Variants in RGS7BP observed in about 807,000 individuals in gnomAD.
RGS7BP encodes the protein regulator of G protein signaling 7-binding protein.
Under a neutral mutation model 31.3 loss-of-function variants are expected in RGS7BP, and 9 were observed. The observed-to-expected ratio is 0.29, with a 90% CI of 0.17 to 0.50. The LOEUF is 0.50. RGS7BP is among the 20% of genes least tolerant of loss of function. RGS7BP has a pLI of 0.98. For missense variants in RGS7BP, 274 were observed against 322.0 expected (o/e 0.85, Z 1.14); for synonymous variants, 115 against 120.1 (o/e 0.96, Z 0.28).
chr5:64,553,317 C>T (rs1741841765), intron 2 of RGS7BP, among the ~76,000 whole-genome samples: 4 of 151,788 alleles, frequency 2.6e-5, no homozygotes, highest in Admixed American at 2.0e-4. Context: ...GGATTACAGG[C>T]ATGTGCCACT....
At chr5:64,556,454 C>CAA (rs1741929910) in intron 2 of RGS7BP, among the ~76,000 whole-genome samples, 2 of 148,566 alleles carry the variant, frequency 1.3e-5, no homozygotes, top group South Asian at 4.2e-4. Flanking sequence ...CACACACACA[C>CAA]ACACACAAAA....
intron 2 of RGS7BP, among the ~76,000 whole-genome samples, chr5:64,564,584 A>G (rs1742126954): frequency 6.6e-6 from 1 of 152,148 alleles, no homozygotes; most frequent in South Asian, 2.1e-4. Flanking sequence ...TTAATCTCCA[A>G]TTTTATGTTT....
At chr5:64,510,131 TAG>T (rs542070990) in intron 2 of RGS7BP, among the ~76,000 whole-genome samples, 199 of 152,292 alleles carry the variant, frequency 1.3e-3, no homozygotes, top group African/African-American at 4.6e-3. Context: ...TGGCGAAATT[TAG>T]AGAGAAGAAC....
intron 3 of RGS7BP, among the ~76,000 whole-genome samples, chr5:64,587,442 G>A (rs1451768946): frequency 6.6e-6 from 1 of 152,144 alleles, no homozygotes. Flanking sequence ...CAATTCCAGA[G>A]ATTCTTCAAA....
chr5:64,532,524 C>A (rs778149112), intron 2 of RGS7BP, among the ~76,000 whole-genome samples: 5 of 152,012 alleles, frequency 3.3e-5, no homozygotes, highest in Non-Finnish European at 5.9e-5. Flanking sequence ...GTAGGAGCAC[C>A]TATGTTTGCT....
intron 5 of RGS7BP, among the ~76,000 whole-genome samples, chr5:64,603,927 A>G (rs1743286618): frequency 6.6e-6 from 1 of 152,208 alleles, no homozygotes; most frequent in Non-Finnish European, 1.5e-5. Flanking sequence ...GCAGTCAGAA[A>G]AGACTGCAGG....
At chr5:64,519,910 G>T (rs577228755) in intron 2 of RGS7BP, among the ~76,000 whole-genome samples, 136 of 152,190 alleles carry the variant, frequency 8.9e-4, no homozygotes, top group Non-Finnish European at 1.9e-4. Context: ...GATGGGAGCT[G>T]AGATTATTTC....
chr5:64,545,785 A>G (rs1741644618), intron 2 of RGS7BP, among the ~76,000 whole-genome samples: 2 of 152,242 alleles, frequency 1.3e-5, no homozygotes, highest in Non-Finnish European at 1.5e-5. Flanking sequence ...GAGCTAGGGC[A>G]TATGAAAGGA....
rs748647651 is a variant in RGS7BP at position 64,575,846 on chromosome 5, T to C, written c.405T>C (p.Tyr135=). 1.2e-6 allele frequency: 2 copies of C among 1,613,764 alleles called. No homozygotes were observed. Among genetic ancestry groups the C allele is most frequent in the Non-Finnish European group, 1.7e-6 (2 of 1,179,760 alleles). The part of the protein sequence containing the change: ...YIQLQCCLEM[Y]TTEMLKSICL... Reference sequence around the variant, plus strand: ...AGCTGCAGTGCTGCTTAGAAATGTATACCACAGAGATGCTAAAATCCATAT... The same window carrying C: ...AGCTGCAGTGCTGCTTAGAAATGTACACCACAGAGATGCTAAAATCCATAT... Residue 135 remains tyrosine, a synonymous_variant, in exon 3 of 6, where the codon TAT becomes TAC. Transcript: ENST00000334025.
At chr5:64,591,968 G>C (rs1742929837) in intron 3 of RGS7BP, among the ~76,000 whole-genome samples, 1 of 152,086 alleles carries the variant, frequency 6.6e-6, no homozygotes, top group Non-Finnish European at 1.5e-5. Flanking sequence ...ATGAGTGTGG[G>C]GCTGGGAACA....
chr5:64,560,663 A>T (rs1483867109), intron 2 of RGS7BP, among the ~76,000 whole-genome samples: 2 of 152,130 alleles, frequency 1.3e-5, no homozygotes, highest in African/African-American at 4.8e-5. Flanking sequence ...TTGTCTCAGC[A>T]TAATATTTGA....
chr5:64,513,168 T>C (rs1467295362), intron 2 of RGS7BP, among the ~76,000 whole-genome samples: 1 of 152,236 alleles, frequency 6.6e-6, no homozygotes, highest in African/African-American at 2.4e-5. Flanking sequence ...GATCCAAACC[T>C]AGTACATTCA....
chr5:64,507,226 G>A (rs970134099), intron 1 of RGS7BP, among the ~76,000 whole-genome samples: 4 of 152,222 alleles, frequency 2.6e-5, no homozygotes, highest in Non-Finnish European at 4.4e-5. Context: ...TGGTCTTCCC[G>A]TCAGGCCGTC....
At chr5:64,589,838 G>A (rs555058075) in intron 3 of RGS7BP, among the ~76,000 whole-genome samples, 4 of 150,804 alleles carry the variant, frequency 2.7e-5, no homozygotes, top group Non-Finnish European at 5.9e-5. Flanking sequence ...AAGGAGAGAG[G>A]ATCACATAAG....
chr5:64,507,681 T>TAA (rs77139920), intron 1 of RGS7BP, 30 bp from the exon 2 acceptor site: 2,490 of 1,268,578 alleles, frequency 2.0e-3, no homozygotes, highest in South Asian at 3.8e-3. Flanking sequence ...AAATGTTTGG[T>TAA]AAAAAAAAAA....
chr5:64,545,083 G>T, intron 2 of RGS7BP, among the ~76,000 whole-genome samples: 1 of 151,474 alleles, frequency 6.6e-6, no homozygotes, highest in South Asian at 2.1e-4. Context: ...GGCTGAGGCA[G>T]GAGAATAGCT....
At chr5:64,522,650 C>T (rs201711656) in intron 2 of RGS7BP, among the ~76,000 whole-genome samples, 1 of 152,214 alleles carries the variant, frequency 6.6e-6, no homozygotes, top group Non-Finnish European at 1.5e-5. Flanking sequence ...TTCCATAAAA[C>T]AAGCCATATC....
chr5:64,591,830 A>G (rs1742926208), intron 3 of RGS7BP, among the ~76,000 whole-genome samples: 1 of 152,206 alleles, frequency 6.6e-6, no homozygotes, highest in South Asian at 2.1e-4. Context: ...ACATTTTTTA[A>G]TGCTGTATAT....
intron 3 of RGS7BP, among the ~76,000 whole-genome samples, chr5:64,589,245 G>A (rs970102649): frequency 6.6e-6 from 1 of 151,728 alleles, no homozygotes; most frequent in African/African-American, 2.4e-5. Context: ...GCAGTGAGCT[G>A]AGATCACAAC....
Sources: gnomAD v4.1 joint callset for allele counts (sites outside exome capture counted in the v4.1 genomes callset) on GRCh38, gnomAD v4.1.1 for gene constraint, MANE v1.5 for transcripts, NCBI Gene and HGNC (gene_info 2026-07-23, HGNC 2026-07-21) for gene names.